Variants in RFC3 observed in about 807,000 individuals in gnomAD.
RFC3 encodes A1 38 kDa subunit.
Under a neutral mutation model 45.1 loss-of-function variants are expected in RFC3, and 41 were observed. The ratio of observed to expected loss-of-function variants is 0.91; its 90% CI spans 0.71 to 1.18. The LOEUF is 1.18. Among genes scored for constraint, RFC3 ranks in the 50% most tolerant of loss-of-function variants. The pLI is 0.00. For synonymous variants in RFC3, 149 were observed against 144.0 expected, an observed-to-expected ratio of 1.03 and a Z score of -0.25; for missense variants, 423 against 428.1, an observed-to-expected ratio of 0.99 and a Z score of 0.10.
chr13:33,934,013 AAG>A (rs1434876578), intron 8 of RFC3, among the ~76,000 whole-genome samples: 1 of 151,966 alleles, frequency 6.6e-6, no homozygotes, highest in Non-Finnish European at 1.5e-5. Context: ...TGGGGAAAAA[AAG>A]GGAAATGAAA....
intron 8 of RFC3, among the ~76,000 whole-genome samples, chr13:33,934,188 C>A (rs942234238): frequency 5.4e-5 from 8 of 148,942 alleles, no homozygotes; most frequent in Admixed American, 1.3e-4. Flanking sequence ...AAAAAAAAAT[C>A]TGGGTGCAAT....
intron 8 of RFC3, among the ~76,000 whole-genome samples, chr13:33,928,787 ATGTC>A (rs2082832738): frequency 6.6e-6 from 1 of 151,904 alleles, no homozygotes; most frequent in South Asian, 2.1e-4. Context: ...AGGCAGGTAT[ATGTC>A]TGTTACAGCA....
At chr13:33,974,146 G>T in the RFC3 span, among the ~76,000 whole-genome samples, 1 of 152,182 alleles carries the variant, frequency 6.6e-6, no homozygotes, top group Non-Finnish European at 1.5e-5. Context: ...ATTTGCACTC[G>T]TGGCTGCAGA....
At chr13:33,882,239 C>T (rs1361639983) in intron 8 of RFC3, among the ~76,000 whole-genome samples, 1 of 152,196 alleles carries the variant, frequency 6.6e-6, no homozygotes, top group Non-Finnish European at 1.5e-5. Context: ...CTAAACTATA[C>T]ACCTAATTCC....
intron 8 of RFC3, among the ~76,000 whole-genome samples, chr13:33,952,260 T>C (rs970782209): frequency 4.6e-5 from 7 of 152,226 alleles, no homozygotes; most frequent in African/African-American, 1.7e-4. Flanking sequence ...GACATGTGCC[T>C]TGAGGATTCA....
intron 8 of RFC3, among the ~76,000 whole-genome samples, chr13:33,886,157 T>C (rs1416078000): frequency 6.6e-6 from 1 of 152,182 alleles, no homozygotes. Flanking sequence ...GGATAGAAGC[T>C]GCATGTTGAG....
At position 33,835,142 on chromosome 13, in the gene RFC3, A is replaced by G. The variant is rs765178534; in HGVS notation, c.810-6A>G. The stretch of plus-strand genomic sequence containing the variant: ...CACAAAATACCAATTATTTTGTTTT[A>G]TGTAGGCTCCTTGAAGTTCGTGGAA... On this transcript the variant is annotated splice_polypyrimidine_tract_variant and splice_region_variant and intron_variant, in intron 7 of 8. Transcript: ENST00000380071. 6.3e-7 allele frequency: 1 copy of G among 1,588,916 alleles called. No individual in the cohort carries two copies. Among genetic ancestry groups the G allele is most frequent in the Non-Finnish European group, 8.6e-7 (1 of 1,160,906 alleles).
intron 8 of RFC3, among the ~76,000 whole-genome samples, chr13:33,915,798 C>CTATATA (rs5802698): frequency 5.3e-5 from 8 of 150,010 alleles, no homozygotes; most frequent in Non-Finnish European, 3.0e-5. Flanking sequence ...TTCTATATTT[C>CTATATA]TATATATATA....
rs147532808 is a variant in RFC3 at position 33,935,699 on chromosome 13, T to G, written c.880-30388T>G. On this transcript the variant is annotated intron_variant, in intron 8 of 8. Coordinates refer to the RFC3 transcript ENST00000434425. ...CTTGTTTGGTTTGTTTCTGAAACTT[T>G]TGTTCCTTTGCTCATCCTGTCACTC... Among the ~76,000 whole-genome samples, 3 of 152,254 alleles carry G rather than the reference T, an allele frequency of 2.0e-5. 1 individual carries two copies. The East Asian group carries it at 5.8e-4, about 29-fold the overall frequency.
At chr13:33,969,820 A>G (rs1201586267), downstream of RFC3, among the ~76,000 whole-genome samples, 1 of 152,152 alleles carries the variant, frequency 6.6e-6, no homozygotes. Flanking sequence ...ATATAACTAT[A>G]GAAATTATAT....
chr13:33,848,447 A>G (rs1336719663), intron 8 of RFC3: 1 of 152,184 alleles, frequency 6.6e-6, no homozygotes, highest in Non-Finnish European at 1.5e-5. Context: ...TTTTCCTAAT[A>G]CAACCATCAG....
chr13:33,829,263 T>A lies in RFC3; in HGVS notation c.392-573T>A, dbSNP rs866562215. On this transcript the variant is annotated intron_variant, in intron 4 of 8. Transcript: ENST00000380071. ...AATCTTACTTTATGGTGGCCAGATA[T>A]CCTCATGCCTTGTTGCCTACATCTC... Among the ~76,000 whole-genome samples the A allele has an allele frequency of 5.9e-5, 9 of 152,332 alleles. 1 individual carries two copies. The Middle Eastern group carries it at 0.027, about 461-fold the overall frequency.
intron 8 of RFC3, among the ~76,000 whole-genome samples, chr13:33,897,269 G>A (rs1162750634): frequency 6.7e-6 from 1 of 149,098 alleles, no homozygotes; most frequent in East Asian, 2.0e-4. Context: ...GGGGAATGAA[G>A]TTACATTGTA....
At chr13:33,846,848 C>T (rs2082241139) in intron 8 of RFC3, 1 of 152,276 alleles carries the variant, frequency 6.6e-6, no homozygotes, top group Admixed American at 6.5e-5. Context: ...TGGGTTCTGT[C>T]ATGTGTTGCT....
chr13:33,933,450 A>G (rs1012962566), intron 8 of RFC3, among the ~76,000 whole-genome samples: 7 of 152,226 alleles, frequency 4.6e-5, no homozygotes, highest in African/African-American at 1.2e-4. Context: ...AGCCACTGCT[A>G]TGATTGGGTT....
chr13:33,916,130 T>G (rs1189927306), intron 8 of RFC3, among the ~76,000 whole-genome samples: 1 of 152,118 alleles, frequency 6.6e-6, no homozygotes, highest in Non-Finnish European at 1.5e-5. Flanking sequence ...TGACAGAGCT[T>G]CATTAGGGTT....
chr13:33,922,215 G>T (rs2082774013), intron 8 of RFC3, among the ~76,000 whole-genome samples: 1 of 149,486 alleles, frequency 6.7e-6, no homozygotes, highest in East Asian at 2.0e-4. Context: ...AGCTTTATTG[G>T]AACATAATTT....
chr13:33,865,766 C>T (rs2082369072), intron 8 of RFC3, among the ~76,000 whole-genome samples: 1 of 152,068 alleles, frequency 6.6e-6, no homozygotes, highest in Non-Finnish European at 1.5e-5. Context: ...AGAAAATATT[C>T]AGTGTGGCCA....
chr13:33,948,932 T>A (rs114693056), intron 8 of RFC3, among the ~76,000 whole-genome samples: 2,806 of 152,272 alleles, frequency 0.018, 70 homozygotes, highest in African/African-American at 0.06. Context: ...ACTTGTGTTG[T>A]CTCAGATAAG....
Sources: gnomAD v4.1 joint callset for allele counts (sites outside exome capture counted in the v4.1 genomes callset) on GRCh38, gnomAD v4.1.1 for gene constraint, MANE v1.5 for transcripts, NCBI Gene and HGNC (gene_info 2026-07-23, HGNC 2026-07-21) for gene names.